Variants in RNF150 observed in about 807,000 individuals in gnomAD.
RNF150 encodes ring finger protein 150.
RNF150 carries 24 observed loss-of-function variants against 39.3 expected under a neutral mutation model. The observed-to-expected ratio is 0.61, with a 90% CI of 0.44 to 0.86. RNF150 has a LOEUF of 0.86. Among genes scored for constraint, RNF150 ranks in the 40% least tolerant of loss-of-function variants. The probability of loss-of-function intolerance (pLI) is 0.00; values close to 1 mark genes in which losing one functional copy is unlikely to be tolerated. For synonymous variants in RNF150, 255 were observed against 227.3 expected, an observed-to-expected ratio of 1.12 and a Z score of -1.10; for missense variants, 502 against 587.8, an observed-to-expected ratio of 0.85 and a Z score of 1.51.
intron 1 of RNF150, among the ~76,000 whole-genome samples, chr4:141,116,853 A>C (rs79576574): frequency 0.067 from 10,188 of 152,184 alleles, 1,031 homozygotes; most frequent in African/African-American, 0.21. Context: ...AATATGGATG[A>C]AGCTGGAAAC....
intron 1 of RNF150, among the ~76,000 whole-genome samples, chr4:141,009,701 G>C (rs549629118): frequency 6.6e-6 from 1 of 152,128 alleles, no homozygotes; most frequent in South Asian, 2.1e-4. Context: ...TTTTTTCCCA[G>C]ATAAAGGGGA....
chr4:141,103,299 C>T (rs1192006093), intron 1 of RNF150, among the ~76,000 whole-genome samples: 2 of 152,176 alleles, frequency 1.3e-5, no homozygotes, highest in East Asian at 3.8e-4. Flanking sequence ...GACTAGCCTC[C>T]GAGTTGTGAA....
intron 1 of RNF150, among the ~76,000 whole-genome samples, chr4:141,082,597 T>A (rs1436530968): frequency 1.3e-5 from 1 of 76,622 alleles, no homozygotes; most frequent in Non-Finnish European, 2.4e-5. Flanking sequence ...TTATTTTTTA[T>A]TTTTTTTTTG....
At chr4:141,105,322 G>A (rs953766530) in intron 1 of RNF150, among the ~76,000 whole-genome samples, 2 of 152,192 alleles carry the variant, frequency 1.3e-5, no homozygotes, top group East Asian at 3.9e-4. Context: ...AACTGAATTG[G>A]ATTTTTGGTA....
At chr4:141,168,113 C>T (rs1190925089) in intron 1 of RNF150, among the ~76,000 whole-genome samples, 1 of 152,064 alleles carries the variant, frequency 6.6e-6, no homozygotes, top group African/African-American at 2.4e-5. Flanking sequence ...AAACAAACAA[C>T]CCCATCAAAA....
chr4:141,043,732 C>T (rs1345423771), intron 1 of RNF150, among the ~76,000 whole-genome samples: 3 of 152,114 alleles, frequency 2.0e-5, no homozygotes, highest in Admixed American at 2.0e-4. Context: ...TTTCTGAATA[C>T]AAGGTATTTG....
intron 1 of RNF150, among the ~76,000 whole-genome samples, chr4:141,026,898 G>A (rs930922979): frequency 5.9e-5 from 9 of 152,174 alleles, no homozygotes; most frequent in Non-Finnish European, 1.2e-4. Context: ...AAGCAACATA[G>A]TAAGTAAGCT....
intron 1 of RNF150, among the ~76,000 whole-genome samples, chr4:141,178,358 A>G (rs1448666434): frequency 6.6e-6 from 1 of 152,144 alleles, no homozygotes; most frequent in Non-Finnish European, 1.5e-5. Context: ...GAGTCTTTTT[A>G]CATGCCTTGT....
At chr4:140,937,675 A>G (rs1190815238) in intron 4 of RNF150, among the ~76,000 whole-genome samples, 1 of 151,664 alleles carries the variant, frequency 6.6e-6, no homozygotes, top group Non-Finnish European at 1.5e-5. Context: ...AAACATACAA[A>G]TATTTATATA....
chr4:141,043,123 A>G (rs529363831), intron 1 of RNF150, among the ~76,000 whole-genome samples: 6 of 152,272 alleles, frequency 3.9e-5, no homozygotes, highest in Non-Finnish European at 8.8e-5. Flanking sequence ...AAATTCAAAT[A>G]TAATTTCTTT....
At chr4:141,196,394 G>A (rs1010972497) in intron 1 of RNF150, among the ~76,000 whole-genome samples, 4 of 152,072 alleles carry the variant, frequency 2.6e-5, no homozygotes, top group African/African-American at 9.7e-5. Flanking sequence ...TTCTTGAGAG[G>A]GATGATGCAA....
chr4:140,898,851 A>C (rs572162579), intron 6 of RNF150, among the ~76,000 whole-genome samples: 2 of 152,250 alleles, frequency 1.3e-5, no homozygotes, highest in South Asian at 4.2e-4. Context: ...TTCTTGTTGC[A>C]CAGCAGGAGT....
chr4:141,160,319 T>G (rs1727488800), intron 1 of RNF150, among the ~76,000 whole-genome samples: 1 of 152,200 alleles, frequency 6.6e-6, no homozygotes, highest in Non-Finnish European at 1.5e-5. Flanking sequence ...AGGAAGTGAC[T>G]GAAGGAATTA....
chr4:140,996,223 A>G (rs1202232452), intron 1 of RNF150, among the ~76,000 whole-genome samples: 1 of 152,150 alleles, frequency 6.6e-6, no homozygotes, highest in African/African-American at 2.4e-5. Flanking sequence ...TTTTCTGACA[A>G]TAAATGATGT....
intron 1 of RNF150, among the ~76,000 whole-genome samples, chr4:140,974,647 T>A (rs1398223542): frequency 6.6e-6 from 1 of 152,188 alleles, no homozygotes; most frequent in Admixed American, 6.5e-5. Flanking sequence ...AGTTTCTTAG[T>A]ATCCTGGTAA....
intron 1 of RNF150, among the ~76,000 whole-genome samples, chr4:141,210,718 C>T (rs1265228634): frequency 6.6e-6 from 1 of 152,040 alleles, no homozygotes; most frequent in Non-Finnish European, 1.5e-5. Context: ...GTGTGGCCAG[C>T]ACTTCTGGTT....
At chr4:140,947,817 G>T in intron 3 of RNF150, 81 bp from the exon 4 acceptor site, 1 of 941,264 alleles carries the variant, frequency 1.1e-6, no homozygotes, top group Non-Finnish European at 1.6e-6. Flanking sequence ...CCCAAGGAGA[G>T]CTTGCCTGGA....
intron 5 of RNF150, among the ~76,000 whole-genome samples, chr4:140,913,034 G>A (rs1408407493): frequency 6.6e-6 from 1 of 151,822 alleles, no homozygotes; most frequent in Non-Finnish European, 1.5e-5. Flanking sequence ...AGCACTTTGG[G>A]AGGCCGAGGT....
Position 140,911,180 on chromosome 4 carries a change from T to C in RNF150, c.1162A>G (p.Ile388Val). ...ALQVVQDTDP[I>V]PQEGDVIFTT... ...AAGATGACGTCTCCCTCCTGGGGGA[T>C]GGGGTCTGTATCCTGGACCACCTGC... Residue 388 changes from isoleucine (I) to valine (V), a missense_variant, in exon 6 of 7, where the codon ATC (isoleucine) becomes GTC (valine). Coordinates refer to ENST00000515673, the MANE Select transcript of RNF150 (RefSeq NM_020724.2). 6.2e-7 allele frequency: 1 copy of C among 1,614,076 alleles called. No individual in the cohort carries two copies. Among genetic ancestry groups the C allele is most frequent in the Non-Finnish European group, 8.5e-7 (1 of 1,179,996 alleles).
Sources: allele counts gnomAD v4.1 joint callset (sites outside exome capture counted in the v4.1 genomes callset), GRCh38; gene constraint gnomAD v4.1.1; transcripts MANE v1.5; gene names NCBI Gene and HGNC (gene_info 2026-07-23, HGNC 2026-07-21).